DOP1B: variants seen among roughly 807,000 people sequenced by gnomAD.
The protein encoded by DOP1B is DOP1 leucine zipper like protein B, also known as protein DOP1B.
A neutral mutation model predicts 233.5 loss-of-function variants in DOP1B; 174 were observed. The ratio of observed to expected loss-of-function variants is 0.75; its 90% CI spans 0.66 to 0.85. The LOEUF is 0.85. DOP1B is among the 40% of genes least tolerant of loss of function. DOP1B has a pLI of 0.00. For missense variants in DOP1B, 2,652 were observed against 2,846.6 expected, an observed-to-expected ratio of 0.93 and a Z score of 1.56; for synonymous variants, 1,190 against 1,185.6, an observed-to-expected ratio of 1.00 and a Z score of -0.08.
intron 28 of DOP1B, 140 bp downstream of exon 28, chr21:36,277,240 C>A: frequency 1.3e-6 from 1 of 770,130 alleles, no homozygotes; most frequent in Non-Finnish European, 2.1e-6. Flanking sequence ...GCAGCATTGG[C>A]CTCAAGCTGC....
At chr21:36,158,581 G>T (rs1350270216) in intron 1 of DOP1B, among the ~76,000 whole-genome samples, 1 of 152,084 alleles carries the variant, frequency 6.6e-6, no homozygotes, top group East Asian at 1.9e-4. Context: ...CGAGGGGGTG[G>T]ATCACAAGGT....
At chr21:36,193,365 C>A (rs952206574) in intron 2 of DOP1B, among the ~76,000 whole-genome samples, 1 of 152,014 alleles carries the variant, frequency 6.6e-6, no homozygotes, top group Non-Finnish European at 1.5e-5. Flanking sequence ...TCAGGAATAC[C>A]CCGGGGGGAA....
Position 36,237,314 on chromosome 21 carries a change from A to G in DOP1B, c.2675A>G (p.His892Arg). The change falls in exon 16 of 37, where the codon CAC becomes CGC. Residue 892 changes from histidine (H) to arginine (R), a missense_variant. By Grantham distance (29) the His-to-Arg change is conservative. This residue lies in a region of DOP1B where 2,617 missense variants were observed against 2,794.3 expected (regional missense o/e 0.94). Coordinates refer to ENST00000691173, the MANE Select transcript of DOP1B (RefSeq NM_001320714.2). ...NQLNKETREH[H>R]VTCVELFYRL... Reference sequence around the variant, plus strand: ...CTGAACAAAGAGACCCGGGAGCATCACGTCACCTGCGTAGAATTGTTCTAC... The same window carrying G: ...CTGAACAAAGAGACCCGGGAGCATCGCGTCACCTGCGTAGAATTGTTCTAC... 6.2e-7 allele frequency: 1 copy of G among 1,614,134 alleles called. No homozygotes were observed. The highest frequency in any genetic ancestry group is 1.1e-5 in the South Asian group (1 of 91,082).
intron 32 of DOP1B, 116 bp downstream of exon 32, chr21:36,281,727 TC>T: frequency 1.0e-6 from 1 of 998,664 alleles, no homozygotes; most frequent in Non-Finnish European, 1.4e-6. Context: ...AAGTCCTATA[TC>T]CAGGGCTGGC....
intron 32 of DOP1B, among the ~76,000 whole-genome samples, chr21:36,283,673 CTG>C (rs911422111): frequency 5.3e-5 from 8 of 152,158 alleles, no homozygotes; most frequent in South Asian, 4.1e-4. Flanking sequence ...TCTCCAAAGA[CTG>C]TGGCTAAATG....
At chr21:36,174,853 G>A (rs977288488) in intron 2 of DOP1B, among the ~76,000 whole-genome samples, 2 of 152,186 alleles carry the variant, frequency 1.3e-5, no homozygotes, top group African/African-American at 4.8e-5. Flanking sequence ...CTGTTGACTA[G>A]TATTAGTTCA....
In DOP1B at chr21:36,263,828, A is replaced by G. The variant is rs1419162652; in HGVS notation, c.5487+14A>G. 2 of 1,613,714 alleles carry G rather than the reference A, an allele frequency of 1.2e-6. No individual in the cohort carries two copies. Among genetic ancestry groups the G allele is most frequent in the Non-Finnish European group, 1.7e-6 (2 of 1,179,794 alleles). On this transcript the variant is annotated intron_variant, in intron 26 of 36. Transcript: ENST00000691173. ...AAAGACCTGCAGGTTTGTATATGAA[A>G]GAGGTTCAGCCAAATGATATTACCC...
chr21:36,211,425 C>G, intron 5 of DOP1B, 128 bp from the exon 6 acceptor site: 1 of 798,210 alleles, frequency 1.3e-6, no homozygotes, highest in Non-Finnish European at 2.1e-6. Flanking sequence ...ACCCTCCTGA[C>G]CTGTGGCTGC....
rs368603051 is a variant in DOP1B, at chr21:36,231,024, G to A, written c.2240G>A (p.Arg747Lys). The A allele has an allele frequency of 2.1e-5, 34 of 1,614,072 alleles. No individual in the cohort carries two copies. The Middle Eastern group carries it at 4.9e-4, about 23-fold the overall frequency. Residue 747 changes from arginine to lysine, a missense_variant, in exon 14 of 37, where the codon AGG becomes AAG. Arg to Lys is a conservative substitution (Grantham distance 26). Around this residue, in one of 3 missense-constraint regions of DOP1B, gnomAD observed 2,617 missense variants for 2,794.3 expected, o/e 0.94. Coordinates refer to ENST00000691173, the MANE Select transcript of DOP1B (RefSeq NM_001320714.2). The part of the protein sequence containing the change: ...IDLGGSREER[R>K]EAFAAACHLL... The stretch of plus-strand genomic sequence containing the variant: ...CTGGGGGGTTCCAGGGAGGAACGCA[G>A]GGAGGCCTTTGCCGCCGCCTGCCAC...
intron 3 of DOP1B, 27 bp from the exon 4 acceptor site, chr21:36,200,304 C>A: frequency 6.4e-7 from 1 of 1,551,630 alleles, no homozygotes; most frequent in Non-Finnish European, 8.7e-7. Context: ...TTATTTCTGC[C>A]CCGCTCCCTC....
intron 2 of DOP1B, among the ~76,000 whole-genome samples, chr21:36,171,519 C>T (rs2065971713): frequency 6.6e-6 from 1 of 151,954 alleles, no homozygotes; most frequent in African/African-American, 2.4e-5. Context: ...GACTGGTGTC[C>T]TGATGAAAAA....
rs575687025 is a variant in DOP1B at position 36,275,935 on chromosome 21, G to A, written c.5633-1086G>A. On this transcript the variant is annotated intron_variant, in intron 27 of 36. Coordinates refer to ENST00000691173, the MANE Select transcript of DOP1B (RefSeq NM_001320714.2). ...CAGCTGCTGGGTAGTTAGGCAGTAG[G>A]ACTCAGGGACTGGAAAGCTGTCCTA... 1.3e-4 allele frequency among the ~76,000 whole-genome samples: 20 copies of A among 152,260 alleles called. No homozygotes were observed. In the South Asian group the frequency reaches 2.5e-3, roughly 19 times the overall value.
intron 32 of DOP1B, among the ~76,000 whole-genome samples, chr21:36,286,820 C>T (rs917961090): frequency 1.3e-5 from 2 of 151,748 alleles, no homozygotes; most frequent in Admixed American, 6.6e-5. Context: ...AAAAATTAGC[C>T]GGGCATGGTG....
intron 27 of DOP1B, among the ~76,000 whole-genome samples, chr21:36,274,280 C>T (rs1170730473): frequency 1.3e-5 from 2 of 152,256 alleles, no homozygotes; most frequent in South Asian, 4.2e-4. Flanking sequence ...GAAGATGATT[C>T]TGGCTTGGAG....
intron 17 of DOP1B, 144 bp downstream of exon 17, chr21:36,238,845 G>T: frequency 1.3e-6 from 1 of 771,032 alleles, no homozygotes; most frequent in Non-Finnish European, 2.1e-6. Context: ...GCTCACGCCT[G>T]TAATCCCAGC....
chr21:36,185,692 T>C (rs890888997), intron 2 of DOP1B, among the ~76,000 whole-genome samples: 1 of 152,030 alleles, frequency 6.6e-6, no homozygotes, highest in African/African-American at 2.4e-5. Flanking sequence ...AAAATATAAG[T>C]CTAGAAATGC....
chr21:36,238,553 G>A, intron 16 of DOP1B, 48 bp from the exon 17 acceptor site: 1 of 1,515,600 alleles, frequency 6.6e-7, no homozygotes, highest in South Asian at 1.1e-5. Flanking sequence ...GAAGACAGTG[G>A]TCAGTTACAA....
Position 36,251,190 on chromosome 21 carries a change from T to C in DOP1B, c.5027T>C (p.Leu1676Ser), listed in dbSNP as rs1328617476. The C allele has an allele frequency of 3.1e-6, 5 of 1,613,744 alleles. No homozygotes were observed. In the South Asian group the frequency reaches 5.5e-5, roughly 18 times the overall value. ...ATAAGACAAAAAATTTTAGACTTCT[T>C]AAACCCCTTGACGGCCCATCTTGGG... ...KTIRQKILDFLNPLTAHLGVQ... is the reference protein window; with the variant it reads ...KTIRQKILDFSNPLTAHLGVQ... The change falls in exon 22 of 37, where the codon TTA becomes TCA. Residue 1676 changes from leucine to serine, a missense_variant. Leu to Ser is a moderately radical substitution (Grantham distance 145). Around this residue, in one of 3 missense-constraint regions of DOP1B, gnomAD observed 2,617 missense variants for 2,794.3 expected, o/e 0.94. Coordinates refer to ENST00000691173, the MANE Select transcript of DOP1B (RefSeq NM_001320714.2).
intron 32 of DOP1B, among the ~76,000 whole-genome samples, chr21:36,286,590 C>T (rs539492559): frequency 1.3e-4 from 20 of 151,324 alleles, no homozygotes; most frequent in African/African-American, 4.4e-4. Context: ...GAGCCGAGAT[C>T]GCACCACTGT....
Sources: allele counts gnomAD v4.1 joint callset (sites outside exome capture counted in the v4.1 genomes callset), GRCh38; gene constraint gnomAD v4.1.1; regional missense constraint gnomAD v4.1.1; transcripts MANE v1.5; gene names NCBI Gene and HGNC (gene_info 2026-07-23, HGNC 2026-07-21).